The following NELL1 variants were observed in gnomAD, a reference collection of about 807,000 sequenced individuals.
The protein encoded by NELL1 is protein kinase C-binding protein NELL1.
In NELL1, 76 loss-of-function variants were observed where a neutral mutation model predicts 107.4. The observed-to-expected ratio is 0.71, with a 90% CI of 0.59 to 0.86. NELL1 has a LOEUF of 0.86. NELL1 is among the 40% of genes least tolerant of loss of function. The probability of loss-of-function intolerance (pLI) is 0.00; values close to 1 mark genes in which losing one functional copy is unlikely to be tolerated. For missense variants in NELL1, 1,024 were observed against 1,005.5 expected (o/e 1.02, Z -0.25); for synonymous variants, 353 against 341.2 (o/e 1.03, Z -0.38).
intron 15 of NELL1, among the ~76,000 whole-genome samples, chr11:21,523,597 G>A (rs1855780382): frequency 6.6e-6 from 1 of 151,954 alleles, no homozygotes; most frequent in African/African-American, 2.4e-5. Flanking sequence ...TACCTGACTG[G>A]TATTCTCTGC....
chr11:21,561,401 G>T (rs749340296), intron 17 of NELL1, among the ~76,000 whole-genome samples: 16 of 151,934 alleles, frequency 1.1e-4, no homozygotes, highest in Non-Finnish European at 2.1e-4. Flanking sequence ...CATAAACCTA[G>T]TTTCCCACAC....
At chr11:21,374,887 CTGT>C (rs1433406478) in intron 15 of NELL1, among the ~76,000 whole-genome samples, 5 of 143,758 alleles carry the variant, frequency 3.5e-5, no homozygotes, top group Admixed American at 1.4e-4. Flanking sequence ...CTGTGTGTGT[CTGT>C]GTGTGTGTGT....
intron 2 of NELL1, among the ~76,000 whole-genome samples, chr11:20,715,547 C>T (rs1019802407): frequency 1.3e-5 from 2 of 152,108 alleles, no homozygotes; most frequent in African/African-American, 4.8e-5. Flanking sequence ...ATGCATGTTT[C>T]CCCTACTTCA....
chr11:20,674,486 C>T (rs1307567379), intron 1 of NELL1: 1 of 1,535,870 alleles, frequency 6.5e-7, no homozygotes, highest in East Asian at 2.4e-5. Context: ...AAATTTCCTA[C>T]AGCAGAAGAT....
Position 21,154,060 on chromosome 11 carries a change from G to C in NELL1, c.1426+40346G>C, listed in dbSNP as rs537431420. Among the ~76,000 whole-genome samples, 6 of 152,308 alleles carry C rather than the reference G, an allele frequency of 3.9e-5. No individual in the cohort carries two copies. The South Asian group carries it at 1.2e-3, about 32-fold the overall frequency. On this transcript the variant is annotated intron_variant, in intron 13 of 19. Transcript: ENST00000357134. ...TCCCATTTAATGGACAAGATGAAAAGAGATGTGAAAATGGGATTAGACTAC... is the reference window on the plus strand; with the variant it reads ...TCCCATTTAATGGACAAGATGAAAACAGATGTGAAAATGGGATTAGACTAC...
At chr11:21,274,804 G>A (rs1848818849) in intron 14 of NELL1, among the ~76,000 whole-genome samples, 1 of 152,150 alleles carries the variant, frequency 6.6e-6, no homozygotes, top group African/African-American at 2.4e-5. Context: ...TGACTACTGG[G>A]TACGTAACGA....
chr11:20,759,238 G>T (rs914318502), intron 2 of NELL1, among the ~76,000 whole-genome samples: 6 of 152,110 alleles, frequency 3.9e-5, no homozygotes, highest in African/African-American at 1.4e-4. Context: ...TAAAATTTGG[G>T]AGTATTTTGG....
At chr11:20,937,892 TG>T (rs749747863) in intron 10 of NELL1, 33 bp downstream of exon 10, 1 of 1,593,472 alleles carries the variant, frequency 6.3e-7, no homozygotes, top group African/African-American at 1.3e-5. Flanking sequence ...CTATCACTTC[TG>T]GAAAATGAAT....
At chr11:21,556,612 C>A (rs1856716638) in intron 16 of NELL1, among the ~76,000 whole-genome samples, 1 of 151,776 alleles carries the variant, frequency 6.6e-6, no homozygotes, top group Non-Finnish European at 1.5e-5. Flanking sequence ...AACCTCACAT[C>A]AAAGATGAAA....
At chr11:21,236,708 ATCT>A (rs1862850283) in intron 14 of NELL1, among the ~76,000 whole-genome samples, 2 of 152,108 alleles carry the variant, frequency 1.3e-5, no homozygotes, top group Admixed American at 1.3e-4. Context: ...CTGTTTGAAA[ATCT>A]TCTTTATTGA....
intron 14 of NELL1, among the ~76,000 whole-genome samples, chr11:21,327,208 G>A (rs990548002): frequency 6.7e-5 from 8 of 119,218 alleles, no homozygotes; most frequent in African/African-American, 2.6e-4. Flanking sequence ...GGTGTAGGAA[G>A]GGGGGAGGGA....
At chr11:20,830,639 G>T (rs2134036391) in intron 3 of NELL1, among the ~76,000 whole-genome samples, 1 of 152,188 alleles carries the variant, frequency 6.6e-6, no homozygotes, top group Non-Finnish European at 1.5e-5. Context: ...CCTGACTCCT[G>T]AAATAGCTTT....
intron 5 of NELL1, among the ~76,000 whole-genome samples, chr11:20,903,634 A>G (rs1049154797): frequency 4.6e-5 from 7 of 152,130 alleles, no homozygotes; most frequent in Non-Finnish European, 8.8e-5. Context: ...GTCAGTAATT[A>G]GCTTCTAATT....
chr11:21,493,990 C>A (rs759592201), intron 15 of NELL1, among the ~76,000 whole-genome samples: 1 of 152,014 alleles, frequency 6.6e-6, no homozygotes, highest in East Asian at 1.9e-4. Context: ...ACAAACAACA[C>A]CCCAATAATC....
Position 21,353,922 on chromosome 11 carries a change from A to G in NELL1, c.1550-16931A>G, listed in dbSNP as rs549324511. Among the ~76,000 whole-genome samples, 286 of 152,256 alleles carry G rather than the reference A, an allele frequency of 1.9e-3. 4 individuals are homozygous for G. Among genetic ancestry groups the G allele is most frequent in the Non-Finnish European group, 2.6e-4 (18 of 68,002 alleles). On this transcript the variant is annotated intron_variant, in intron 14 of 19. Transcript: ENST00000357134. The stretch of plus-strand genomic sequence containing the variant: ...TTGCCTTAATTTCTCACATCAGTGT[A>G]TTTTTCCCAAGATGGCTTTCCCCAC...
intron 2 of NELL1, among the ~76,000 whole-genome samples, chr11:20,767,029 C>A (rs1231807240): frequency 6.6e-6 from 1 of 152,152 alleles, no homozygotes; most frequent in Non-Finnish European, 1.5e-5. Context: ...CAGGTGTGAG[C>A]CACTGGGCAC....
At chr11:21,251,455 G>A (rs535524471) in intron 14 of NELL1, among the ~76,000 whole-genome samples, 10 of 152,084 alleles carry the variant, frequency 6.6e-5, no homozygotes, top group African/African-American at 2.2e-4. Flanking sequence ...TTATTAACTA[G>A]CCTAACCCTC....
chr11:21,410,833 T>C (rs1852357481), intron 15 of NELL1, among the ~76,000 whole-genome samples: 1 of 152,116 alleles, frequency 6.6e-6, no homozygotes, highest in Non-Finnish European at 1.5e-5. Flanking sequence ...GTGTGCCGTT[T>C]CTGTGGAATT....
At chr11:20,690,422 T>C (rs531248979) in intron 2 of NELL1, among the ~76,000 whole-genome samples, 87 of 152,168 alleles carry the variant, frequency 5.7e-4, no homozygotes, top group Middle Eastern at 3.4e-3. Flanking sequence ...TTAGGTCTAA[T>C]GTTTAAGTCT....
Sources: gnomAD v4.1 joint callset for allele counts (sites outside exome capture counted in the v4.1 genomes callset) on GRCh38, gnomAD v4.1.1 for gene constraint, MANE v1.5 for transcripts, NCBI Gene and HGNC (gene_info 2026-07-23, HGNC 2026-07-21) for gene names.